The following RP1L1 variants were observed in gnomAD, a reference collection of about 807,000 sequenced individuals.
RP1L1 encodes RP1 like 1.
Under a neutral mutation model 15.7 loss-of-function variants are expected in RP1L1, and 27 were observed. That is an observed-to-expected ratio of 1.72 (90% CI 1.27 to 2.38). The LOEUF (loss-of-function observed/expected upper bound fraction) is 2.38, where lower values mean the gene tolerates loss of function less well. Ranked by LOEUF, RP1L1 falls within the 30% of genes most tolerant of loss-of-function variation. The pLI is 0.00. For synonymous variants in RP1L1, 1,813 were observed against 1,276.7 expected (o/e 1.42, Z -8.96); for missense variants, 4,798 against 3,075.9 (o/e 1.56, Z -13.24).
intron 1 of RP1L1, among the ~76,000 whole-genome samples, chr8:10,638,733 A>G (rs770406363): frequency 6.6e-6 from 1 of 152,226 alleles, no homozygotes; most frequent in Non-Finnish European, 1.5e-5. Context: ...GCTGAGGACA[A>G]ACAAGGGGGC....
At chr8:10,626,698 T>C (rs1798164229) in intron 1 of RP1L1, among the ~76,000 whole-genome samples, 1 of 152,194 alleles carries the variant, frequency 6.6e-6, no homozygotes, top group South Asian at 2.1e-4. Context: ...TGCATCCTGA[T>C]TTCAGGTATA....
rs199896802 is a variant in RP1L1 at position 10,607,546 on chromosome 8, C to G, written c.6552G>C (p.Glu2184Asp). ...QPELEGVEAP[E>D]AEGEAQPESE... Reference sequence around the variant, plus strand: ...ACTCTGGCTGGGCCTCCCCTTCTGCCTCTGGGGCCTCTACACCTTCTAACT... The same window carrying G: ...ACTCTGGCTGGGCCTCCCCTTCTGCGTCTGGGGCCTCTACACCTTCTAACT... Residue 2184 changes from glutamate (E) to aspartate (D), a missense_variant, in exon 4 of 4, where the codon GAG (glutamate) becomes GAC (aspartate). Physicochemically the swap from Glu to Asp is conservative, Grantham distance 45. Transcript: ENST00000382483. 2 of 1,605,214 alleles carry G rather than the reference C, an allele frequency of 1.2e-6. No individual in the cohort carries two copies. The highest frequency in any genetic ancestry group is 1.7e-5 in the Admixed American group (1 of 59,408).
chr8:10,619,651 G>A (rs1425044664), intron 2 of RP1L1, among the ~76,000 whole-genome samples: 1 of 152,076 alleles, frequency 6.6e-6, no homozygotes, highest in Non-Finnish European at 1.5e-5. Flanking sequence ...AGAGGGCTGG[G>A]CACAGTGGCT....
rs764199796 is a variant in RP1L1 at position 10,613,236 on chromosome 8, C to T, written c.862G>A (p.Ala288Thr). The change falls in exon 4 of 4, where the codon GCT becomes ACT. Residue 288 changes from alanine (A) to threonine (T), a missense_variant. By Grantham distance (58) the Ala-to-Thr change is moderately conservative (BLOSUM62 0). Coordinates refer to ENST00000382483, the MANE Select transcript of RP1L1 (RefSeq NM_178857.6). ...PGPSNPPVGP[A>T]PGRHPQDTPA... ...GTGTCCTGAGGGTGCCTGCCAGGAG[C>T]AGGGCCCACCGGGGGGTTGCTAGGA... The T allele has an allele frequency of 5.0e-6, 8 of 1,612,808 alleles. No homozygotes were observed. Among genetic ancestry groups the T allele is most frequent in the Non-Finnish European group, 1.7e-6 (2 of 1,180,014 alleles).
rs752065935 is a variant in RP1L1, at chr8:10,609,259, C to A, written c.4839G>T (p.Leu1613=). The A allele has an allele frequency of 2.5e-6, 4 of 1,608,932 alleles. No individual in the cohort carries two copies. The highest frequency in any genetic ancestry group is 3.4e-6 in the Non-Finnish European group (4 of 1,179,710). Residue 1613 remains leucine (L), a synonymous_variant, in exon 4 of 4, where the codon CTG becomes CTT. Coordinates refer to ENST00000382483, the MANE Select transcript of RP1L1 (RefSeq NM_178857.6). ...TQQRRHRLRG[L]RNLSAFSERT... ...GCTCAGAGAAGGCCGAGAGGTTTCG[C>A]AGGCCCCGGAGACGGTGTCTGCGCT... is the stretch of plus-strand genomic sequence containing the variant.
intron 1 of RP1L1, among the ~76,000 whole-genome samples, chr8:10,628,542 G>A (rs540413537): frequency 2.6e-5 from 4 of 152,126 alleles, no homozygotes; most frequent in African/African-American, 9.7e-5. Flanking sequence ...CCTTGGTGAT[G>A]AGAAAAAAAC....
At position 10,636,578 on chromosome 8, in the gene RP1L1, A is replaced by ACGGCCTCCT. The variant is rs749310146; in HGVS notation, c.-19-13367_-19-13359dup. 7.2e-5 allele frequency among the ~76,000 whole-genome samples: 11 copies of ACGGCCTCCT among 152,100 alleles called. No homozygotes were observed. In the South Asian group the frequency reaches 2.1e-3, roughly 29 times the overall value. ...ACCACCAAGAGGACTCTCCTTCACA[A>ACGGCCTCCT]CGGCCTCCTCGGATGAAAGGCGTGG... On this transcript the variant is annotated intron_variant, in intron 1 of 3. Transcript: ENST00000382483.
chr8:10,639,109 A>C (rs918179019), intron 1 of RP1L1, among the ~76,000 whole-genome samples: 1 of 151,440 alleles, frequency 6.6e-6, no homozygotes, highest in Non-Finnish European at 1.5e-5. Context: ...CGGACCCTGC[A>C]CTCTAGCCTG....
chr8:10,649,055 A>G (rs909326055), intron 1 of RP1L1, among the ~76,000 whole-genome samples: 3 of 152,186 alleles, frequency 2.0e-5, no homozygotes, highest in East Asian at 1.9e-4. Flanking sequence ...CTGAGCCCAG[A>G]TGGGAGACTT....
chr8:10,621,073 T>C (rs1322956683), intron 2 of RP1L1: 2 of 152,250 alleles, frequency 1.3e-5, no homozygotes, highest in Non-Finnish European at 2.9e-5. Flanking sequence ...TTAATCAATT[T>C]CCCTTTTCTT....
chr8:10,624,589 C>A lies in RP1L1; in HGVS notation c.-19-1369G>T, dbSNP rs116634178. ...GATATGGCCCTGGCGTCTTCTCTGA[C>A]CAGCTGGGTGGTGTTGGAAGGCTGG... On this transcript the variant is annotated intron_variant, in intron 1 of 3. Coordinates refer to ENST00000382483, the MANE Select transcript of RP1L1 (RefSeq NM_178857.6). Among the ~76,000 whole-genome samples, 1,514 of 152,290 alleles carry A rather than the reference C, an allele frequency of 9.9e-3. 32 individuals carry two copies. Among genetic ancestry groups the A allele is most frequent in the African/African-American group, 0.034 (1,394 of 41,552 alleles).
chr8:10,607,376 G>A lies in RP1L1; in HGVS notation c.6722C>T (p.Ser2241Leu), dbSNP rs1481218758. The A allele has an allele frequency of 5.6e-6, 9 of 1,613,558 alleles. No individual in the cohort carries two copies. The Admixed American group carries it at 6.7e-5, about 12-fold the overall frequency. The change falls in exon 4 of 4, where the codon TCA becomes TTA. Residue 2241 changes from serine (S) to leucine (L), a missense_variant. Transcript: ENST00000382483. ...PEAEGEAQPESEGETQGEKKG... is the reference protein window; with the variant it reads ...PEAEGEAQPELEGETQGEKKG... ...TTTCTCACCTTGAGTTTCTCCTTCTGACTCTGGCTGGGCCTCCCCTTCAGC... is the reference window on the plus strand; with the variant it reads ...TTTCTCACCTTGAGTTTCTCCTTCTAACTCTGGCTGGGCCTCCCCTTCAGC...
chr8:10,612,267 G>C lies in RP1L1; in HGVS notation c.1831C>G (p.Leu611Val). 6 of 1,613,248 alleles carry C rather than the reference G, an allele frequency of 3.7e-6. No individual in the cohort carries two copies. The highest frequency in any genetic ancestry group is 1.3e-5 in the African/African-American group (1 of 75,064). ...ATGAAVTREP[L>V]VLGLSCSWDS... ...CAGGAGCAGGAAAGGCCCAGAACCA[G>C]AGGCTCCCTTGTCACAGCCGCTCCC... is the stretch of plus-strand genomic sequence containing the variant. The change falls in exon 4 of 4, where the codon CTG becomes GTG. Residue 611 changes from leucine (L) to valine (V), a missense_variant. By Grantham distance (32) the Leu-to-Val change is conservative (BLOSUM62 1). Transcript: ENST00000382483.
In RP1L1 at chr8:10,610,157, C is replaced by A. The variant is rs1343210657; in HGVS notation, c.3941G>T (p.Gly1314Val). The change falls in exon 4 of 4, where the codon GGG becomes GTG. Residue 1314 changes from glycine (G) to valine (V), a missense_variant. Coordinates refer to ENST00000382483, the MANE Select transcript of RP1L1 (RefSeq NM_178857.6). Reference protein sequence around the residue: ...EETKEGTEGEGLQEEAVQLEE... With the variant: ...EETKEGTEGEVLQEEAVQLEE... The stretch of plus-strand genomic sequence containing the variant: ...TAACTGCACCGCCTCTTCTTGCAGC[C>A]CTTCTCCTTCTGTTCCTTCTTTAGT... 1.2e-6 allele frequency: 2 copies of A among 1,612,686 alleles called. No individual in the cohort carries two copies. The highest frequency in any genetic ancestry group is 1.3e-5 in the African/African-American group (1 of 74,922).
At chr8:10,618,042 A>C (rs1797999075) in intron 2 of RP1L1, among the ~76,000 whole-genome samples, 1 of 152,184 alleles carries the variant, frequency 6.6e-6, no homozygotes, top group Non-Finnish European at 1.5e-5. Flanking sequence ...TTACGTTGTA[A>C]TTAGCAATGC....
In RP1L1 at chr8:10,611,243, G is replaced by C; in HGVS notation, c.2855C>G (p.Ser952Cys). Residue 952 changes from serine (S) to cysteine (C), a missense_variant, in exon 4 of 4, where the codon TCT (serine) becomes TGT (cysteine). Transcript: ENST00000382483. Reference protein sequence around the residue: ...GVSPSSLPRSSPEAVVREWLD... With the variant: ...GVSPSSLPRSCPEAVVREWLD... Reference sequence around the variant, plus strand: ...CCATTCGCGGACCACAGCCTCTGGAGACGAGCGGGGCAGAGAGCTGGGTGA... The same window carrying C: ...CCATTCGCGGACCACAGCCTCTGGACACGAGCGGGGCAGAGAGCTGGGTGA... 1 of 1,613,058 alleles carries C rather than the reference G, an allele frequency of 6.2e-7. No homozygotes were observed. Among genetic ancestry groups the C allele is most frequent in the Non-Finnish European group, 8.5e-7 (1 of 1,180,022 alleles).
In RP1L1 at chr8:10,607,357, A is replaced by C. The variant is rs1797722056; in HGVS notation, c.6741T>G (p.Gly2247=). 3 of 1,613,568 alleles carry C rather than the reference A, an allele frequency of 1.9e-6. No homozygotes were observed. Among genetic ancestry groups the C allele is most frequent in the African/African-American group, 2.7e-5 (2 of 74,754 alleles). ...TGACCTGAGGGCTCCCCTTTTTCTC[A>C]CCTTGAGTTTCTCCTTCTGACTCTG... ...AQPESEGETQ[G]EKKGSPQVSL... is the part of the protein sequence containing the mutation. Residue 2247 remains glycine (G), a synonymous_variant, in exon 4 of 4, where the codon GGT becomes GGG. Coordinates refer to ENST00000382483, the MANE Select transcript of RP1L1 (RefSeq NM_178857.6).
In RP1L1 at chr8:10,633,474, C is replaced by G. The variant is rs181717339; in HGVS notation, c.-19-10254G>C. On this transcript the variant is annotated intron_variant, in intron 1 of 3. Transcript: ENST00000382483. ...ATCAGCTTCCAGCCAAACAAAACCC[C>G]GGGCAAGGACACCACTCCCATCCGT... is the stretch of plus-strand genomic sequence containing the variant. 1.3e-5 allele frequency among the ~76,000 whole-genome samples: 2 copies of G among 152,206 alleles called. 1 individual carries two copies. Among genetic ancestry groups the G allele is most frequent in the Non-Finnish European group, 2.9e-5 (2 of 68,038 alleles).
intron 1 of RP1L1, among the ~76,000 whole-genome samples, chr8:10,631,633 T>C (rs996858816): frequency 1.3e-5 from 2 of 152,192 alleles, no homozygotes; most frequent in Non-Finnish European, 2.9e-5. Context: ...TTCCACGGTT[T>C]GTCCCTGTCC....
Sources: allele counts gnomAD v4.1 joint callset (sites outside exome capture counted in the v4.1 genomes callset), GRCh38; gene constraint gnomAD v4.1.1; transcripts MANE v1.5; gene names NCBI Gene and HGNC (gene_info 2026-07-23, HGNC 2026-07-21).